RNF121: variants seen among roughly 807,000 people sequenced by gnomAD.
RNF121 encodes E3 ubiquitin ligase RNF121.
In RNF121, 21 loss-of-function variants were observed where a neutral mutation model predicts 46.5. The ratio of observed to expected loss-of-function variants is 0.45; its 90% CI spans 0.32 to 0.65. RNF121 has a LOEUF of 0.65. Among genes scored for constraint, RNF121 ranks in the 30% least tolerant of loss-of-function variants. The pLI is 0.04. For synonymous variants in RNF121, 139 were observed against 144.7 expected (o/e 0.96, Z 0.28); for missense variants, 346 against 416.0 (o/e 0.83, Z 1.46).
At chr11:71,955,880 A>T (rs1953979681) in intron 1 of RNF121, among the ~76,000 whole-genome samples, 1 of 152,226 alleles carries the variant, frequency 6.6e-6, no homozygotes, top group Non-Finnish European at 1.5e-5. Flanking sequence ...CACCTGAATA[A>T]ATTCTGTGAG....
intron 5 of RNF121, 85 bp from the exon 6 acceptor site, chr11:71,990,512 G>A: frequency 6.5e-7 from 1 of 1,532,080 alleles, no homozygotes; most frequent in South Asian, 1.3e-5. Context: ...CTCGCTTTGG[G>A]CCCTGCCTTG....
chr11:71,950,698 G>T (rs1488076538), intron 1 of RNF121, among the ~76,000 whole-genome samples: 1 of 151,796 alleles, frequency 6.6e-6, no homozygotes, highest in Non-Finnish European at 1.5e-5. Context: ...TGTCTCCCAG[G>T]CTGGAGTGCA....
At chr11:71,963,078 G>T (rs1954176604) in intron 3 of RNF121, among the ~76,000 whole-genome samples, 1 of 152,032 alleles carries the variant, frequency 6.6e-6, no homozygotes. Flanking sequence ...TTGTTGAGTT[G>T]TTAGAGTACT....
chr11:71,960,781 C>G lies in RNF121; in HGVS notation c.133C>G (p.Arg45Gly), dbSNP rs1239160549. The change falls in exon 3 of 9, where the codon CGT becomes GGT. Residue 45 changes from arginine to glycine, a missense_variant. Around this residue, in one of 2 missense-constraint regions of RNF121, gnomAD observed 286 missense variants for 383.8 expected, o/e 0.75. Transcript: ENST00000361756. ...VEHARMHAKH[R>G]GHEAMHAEMV... ...GCACGCACGCATGCATGCCAAGCAC[C>G]GTGGCCATGAAGCTATGCATGCTGA... 1 of 1,613,932 alleles carries G rather than the reference C, an allele frequency of 6.2e-7. No individual in the cohort carries two copies. The highest frequency in any genetic ancestry group is 8.5e-7 in the Non-Finnish European group (1 of 1,179,984).
At chr11:71,969,056 T>C (rs760476299) in intron 3 of RNF121, among the ~76,000 whole-genome samples, 9 of 152,076 alleles carry the variant, frequency 5.9e-5, no homozygotes, top group Non-Finnish European at 1.3e-4. Context: ...CGGCTAATTT[T>C]TGTATTTTTT....
rs896394408 is a variant in RNF121 at position 71,994,996 on chromosome 11, C to T, written c.761+144C>T. The T allele has an allele frequency of 8.9e-6, 10 of 1,129,832 alleles. No homozygotes were observed. In the African/African-American group the frequency reaches 1.4e-4, roughly 16 times the overall value. 70.0% of individuals were successfully genotyped at this position (1,129,832 alleles called of 1,614,324 possible). A position where few individuals can be genotyped will look rare whatever the true frequency, so the allele number is the denominator to read the frequency against. Reference sequence around the variant, plus strand: ...GCCACAAGAGGGCCACCTTCCCTACCCTTTCCCACAGATCAGAGCCACTCT... The same window carrying T: ...GCCACAAGAGGGCCACCTTCCCTACTCTTTCCCACAGATCAGAGCCACTCT... On this transcript the variant is annotated intron_variant, in intron 7 of 8. Transcript: ENST00000361756.
chr11:71,937,720 T>G (rs1406279397), intron 1 of RNF121, among the ~76,000 whole-genome samples: 2 of 152,246 alleles, frequency 1.3e-5, no homozygotes, highest in Admixed American at 1.3e-4. Context: ...TCTGCTTCTT[T>G]GCATCTCTGA....
At chr11:71,974,922 A>G (rs933200414) in intron 3 of RNF121, among the ~76,000 whole-genome samples, 3 of 152,212 alleles carry the variant, frequency 2.0e-5, no homozygotes. Context: ...AGTTTTCATC[A>G]TCTATTCAGA....
intron 1 of RNF121, among the ~76,000 whole-genome samples, chr11:71,948,539 A>G (rs993838552): frequency 2.8e-5 from 4 of 144,940 alleles, no homozygotes; most frequent in Non-Finnish European, 1.5e-5. Flanking sequence ...AAAAAAAAAA[A>G]GCTTATCAAC....
intron 2 of RNF121, among the ~76,000 whole-genome samples, chr11:71,960,025 T>C (rs1954093181): frequency 6.6e-6 from 1 of 152,182 alleles, no homozygotes; most frequent in African/African-American, 2.4e-5. Context: ...TAGCCAGTAT[T>C]AGCCAAGGGA....
At chr11:71,996,111 G>C in intron 8 of RNF121, 84 bp from the exon 9 acceptor site, 2 of 1,526,506 alleles carry the variant, frequency 1.3e-6, no homozygotes, top group South Asian at 2.4e-5. Flanking sequence ...GGAAAGTGGG[G>C]CAGACCCAGG....
At chr11:71,952,806 T>TC (rs1035305675) in intron 1 of RNF121, among the ~76,000 whole-genome samples, 18 of 34,564 alleles carry the variant, frequency 5.2e-4, no homozygotes, top group Admixed American at 8.3e-4. Flanking sequence ...AGACTCTGTC[T>TC]CAAAAAAAAA....
At chr11:71,989,064 A>T (rs1013895683) in intron 5 of RNF121, among the ~76,000 whole-genome samples, 2 of 104,980 alleles carry the variant, frequency 1.9e-5, no homozygotes, top group African/African-American at 6.5e-5. Context: ...ATTCTGCATT[A>T]TGGTTTTTTG....
At chr11:71,966,616 G>C (rs1954283697) in intron 3 of RNF121, among the ~76,000 whole-genome samples, 1 of 151,650 alleles carries the variant, frequency 6.6e-6, no homozygotes, top group Non-Finnish European at 1.5e-5. Flanking sequence ...CAAGTAGCTA[G>C]GACTACAGGT....
intron 3 of RNF121, among the ~76,000 whole-genome samples, chr11:71,969,437 A>G (rs1272102396): frequency 1.3e-5 from 2 of 152,238 alleles, no homozygotes; most frequent in African/African-American, 4.8e-5. Flanking sequence ...GACCACTTAT[A>G]AGTTGACACT....
intron 5 of RNF121, among the ~76,000 whole-genome samples, chr11:71,987,347 A>G (rs892852725): frequency 6.6e-6 from 1 of 152,256 alleles, no homozygotes; most frequent in Non-Finnish European, 1.5e-5. Context: ...CCAAGGCTTT[A>G]TATTTTAGTG....
chr11:71,930,339 G>A (rs1953247766), intron 1 of RNF121, among the ~76,000 whole-genome samples: 1 of 152,122 alleles, frequency 6.6e-6, no homozygotes, highest in African/African-American at 2.4e-5. Context: ...GGAGGATTGG[G>A]GATGATTGAA....
chr11:71,995,496 C>G lies in RNF121; in HGVS notation c.808C>G (p.Gln270Glu), dbSNP rs1234644089. The G allele has an allele frequency of 3.1e-6, 5 of 1,595,490 alleles. No homozygotes were observed. Among genetic ancestry groups the G allele is most frequent in the Non-Finnish European group, 4.3e-6 (5 of 1,169,540 alleles). Residue 270 changes from glutamine (Q) to glutamate (E), a missense_variant, in exon 8 of 9, where the codon CAA (glutamine) becomes GAA (glutamate). Physicochemically the swap from Gln to Glu is conservative, Grantham distance 29. Around this residue, in one of 2 missense-constraint regions of RNF121, gnomAD observed 286 missense variants for 383.8 expected, o/e 0.75. Coordinates refer to ENST00000361756, the MANE Select transcript of RNF121 (RefSeq NM_018320.5). ...TGGCTGGTGCATCGTGGGAAAGAAG[C>G]AAACGTGTCCCTACTGCAAAGAGAA... is the stretch of plus-strand genomic sequence containing the variant. Reference protein sequence around the residue: ...IRGWCIVGKKQTCPYCKEKVD... With the variant: ...IRGWCIVGKKETCPYCKEKVD...
At position 71,942,503 on chromosome 11, in the gene RNF121, C is replaced by G. The variant is rs186245279; in HGVS notation, c.63+13379C>G. 3.0e-3 allele frequency among the ~76,000 whole-genome samples: 456 copies of G among 152,132 alleles called. 2 individuals are homozygous for G. The highest frequency in any genetic ancestry group is 0.011 in the African/African-American group (439 of 41,506). On this transcript the variant is annotated intron_variant, in intron 1 of 8. Coordinates refer to ENST00000361756, the MANE Select transcript of RNF121 (RefSeq NM_018320.5). Reference sequence around the variant, plus strand: ...TTTAGCCGGGCACAGTGGCTCACGCCTGTAATCCCAGGACTTTGGGAGGCT... The same window carrying G: ...TTTAGCCGGGCACAGTGGCTCACGCGTGTAATCCCAGGACTTTGGGAGGCT...
Sources: gnomAD v4.1 joint callset for allele counts (sites outside exome capture counted in the v4.1 genomes callset) on GRCh38, gnomAD v4.1.1 for gene constraint, gnomAD v4.1.1 regional missense constraint, MANE v1.5 for transcripts, NCBI Gene and HGNC (gene_info 2026-07-23, HGNC 2026-07-21) for gene names.